The following VAT1L variants were observed in gnomAD, a reference collection of about 807,000 sequenced individuals.
The protein encoded by VAT1L is putative NADPH-dependent quinone oxidoreductase VAT1L.
Under a neutral mutation model 44.1 loss-of-function variants are expected in VAT1L, and 34 were observed. That is an observed-to-expected ratio of 0.77 (90% CI 0.59 to 1.03). The LOEUF (loss-of-function observed/expected upper bound fraction) is 1.03, where lower values mean the gene tolerates loss of function less well. VAT1L is among the 50% of genes least tolerant of loss of function. VAT1L has a pLI of 0.00. For synonymous variants in VAT1L, 253 were observed against 202.2 expected (o/e 1.25, Z -2.13); for missense variants, 615 against 538.8 (o/e 1.14, Z -1.40).
chr16:77,974,464 A>G (rs1386931214), intron 8 of VAT1L, among the ~76,000 whole-genome samples: 3 of 152,140 alleles, frequency 2.0e-5, no homozygotes, highest in Non-Finnish European at 4.4e-5. Flanking sequence ...CCAAGGGAGG[A>G]TTCTTACTGG....
At chr16:77,887,556 G>C (rs1171597840) in intron 7 of VAT1L, among the ~76,000 whole-genome samples, 1 of 152,144 alleles carries the variant, frequency 6.6e-6, no homozygotes, top group Non-Finnish European at 1.5e-5. Flanking sequence ...GAGGCAGCAA[G>C]ACTCATCTCC....
intron 7 of VAT1L, 112 bp from the exon 8 acceptor site, chr16:77,971,738 G>C: frequency 8.8e-7 from 1 of 1,136,678 alleles, no homozygotes; most frequent in Non-Finnish European, 1.3e-6. Flanking sequence ...CACTAAACTT[G>C]AGCCGCAGCG....
chr16:77,962,847 G>C (rs554797730), intron 7 of VAT1L, among the ~76,000 whole-genome samples: 1 of 152,180 alleles, frequency 6.6e-6, no homozygotes. Flanking sequence ...TTGGGAGGCT[G>C]AGACAGGAGG....
At chr16:77,880,180 C>T (rs775719091) in intron 6 of VAT1L, among the ~76,000 whole-genome samples, 9 of 151,982 alleles carry the variant, frequency 5.9e-5, no homozygotes, top group Non-Finnish European at 1.0e-4. Flanking sequence ...TTTTTGAGAC[C>T]GAGTCTAGCT....
chr16:77,858,761 G>C (rs1230630435), intron 3 of VAT1L, among the ~76,000 whole-genome samples: 1 of 152,058 alleles, frequency 6.6e-6, no homozygotes, highest in Non-Finnish European at 1.5e-5. Context: ...CTAGTGGTTT[G>C]GGAAGCCAAG....
chr16:77,804,033 G>C (rs530112340), intron 1 of VAT1L, among the ~76,000 whole-genome samples: 1 of 152,248 alleles, frequency 6.6e-6, no homozygotes, highest in East Asian at 1.9e-4. Flanking sequence ...GTCATGCCGT[G>C]TAGTCATTCT....
intron 3 of VAT1L, among the ~76,000 whole-genome samples, chr16:77,838,928 C>A (rs2016671008): frequency 6.6e-6 from 1 of 151,928 alleles, no homozygotes; most frequent in Admixed American, 6.6e-5. Flanking sequence ...AAGTACAAGC[C>A]CTGGGGGTAA....
chr16:77,912,292 A>G (rs530040695), intron 7 of VAT1L, among the ~76,000 whole-genome samples: 39 of 152,360 alleles, frequency 2.6e-4, no homozygotes, highest in East Asian at 1.3e-3. Flanking sequence ...TGAAGTTAAC[A>G]TAAGTAAAGC....
At chr16:77,880,965 A>G (rs2017147401) in intron 6 of VAT1L, among the ~76,000 whole-genome samples, 1 of 152,170 alleles carries the variant, frequency 6.6e-6, no homozygotes, top group South Asian at 2.1e-4. Flanking sequence ...TCCATGGTGT[A>G]TACGTCTCAC....
At chr16:77,811,562 G>A (rs1348257802) in intron 1 of VAT1L, among the ~76,000 whole-genome samples, 3 of 152,114 alleles carry the variant, frequency 2.0e-5, no homozygotes, top group Admixed American at 6.5e-5. Context: ...GTTCTGGTAC[G>A]AACTATATAA....
intron 7 of VAT1L, among the ~76,000 whole-genome samples, chr16:77,931,198 T>A (rs192164664): frequency 7.9e-5 from 12 of 152,172 alleles, no homozygotes; most frequent in Admixed American, 5.2e-4. Flanking sequence ...CTTTCTTTCA[T>A]TGAACGACGT....
chr16:77,962,782 A>G (rs927422569), intron 7 of VAT1L, among the ~76,000 whole-genome samples: 13 of 152,000 alleles, frequency 8.6e-5, no homozygotes, highest in African/African-American at 3.1e-4. Context: ...GAAGGAAAGA[A>G]AGAGAAAAGA....
At chr16:77,970,469 TTC>T (rs1171315698) in intron 7 of VAT1L, among the ~76,000 whole-genome samples, 1 of 152,232 alleles carries the variant, frequency 6.6e-6, no homozygotes, top group Non-Finnish European at 1.5e-5. Context: ...TGCATGTCAG[TTC>T]TCATTTAGCA....
At chr16:77,819,519 T>C (rs2016413053) in intron 2 of VAT1L, among the ~76,000 whole-genome samples, 1 of 152,038 alleles carries the variant, frequency 6.6e-6, no homozygotes, top group African/African-American at 2.4e-5. Flanking sequence ...GTAGCTGGGA[T>C]TATAGGTGCC....
In VAT1L at chr16:77,971,971, G is replaced by C; in HGVS notation, c.1161+38G>C. ...CAGAGGAGTCTGTTCAGTTCCACGC[G>C]AGAGAGCACCACGGGTCAATCAGAT... On this transcript the variant is annotated intron_variant, in intron 8 of 8. Coordinates refer to ENST00000302536, the MANE Select transcript of VAT1L (RefSeq NM_020927.3). The C allele has an allele frequency of 3.8e-6, 6 of 1,589,548 alleles. 1 individual carries two copies. The highest frequency in any genetic ancestry group is 3.4e-5 in the South Asian group (3 of 87,992).
chr16:77,885,690 G>A (rs1260777646), intron 7 of VAT1L, among the ~76,000 whole-genome samples: 1 of 151,886 alleles, frequency 6.6e-6, no homozygotes, highest in Non-Finnish European at 1.5e-5. Flanking sequence ...TATGGTACAA[G>A]TACTTTGTTG....
At chr16:77,797,146 C>G (rs1471566066) in intron 1 of VAT1L, among the ~76,000 whole-genome samples, 1 of 151,284 alleles carries the variant, frequency 6.6e-6, no homozygotes, top group Non-Finnish European at 1.5e-5. Context: ...GGGTCTCGCT[C>G]TATCACCCAG....
At chr16:77,959,096 C>T (rs932707302) in intron 7 of VAT1L, among the ~76,000 whole-genome samples, 3 of 152,228 alleles carry the variant, frequency 2.0e-5, no homozygotes, top group Non-Finnish European at 2.9e-5. Flanking sequence ...AGAATGGCCA[C>T]CTCCTTAAAT....
intron 7 of VAT1L, among the ~76,000 whole-genome samples, chr16:77,940,507 G>C (rs1038639297): frequency 5.9e-5 from 9 of 151,584 alleles, no homozygotes; most frequent in African/African-American, 2.2e-4. Flanking sequence ...CCATGCCTGG[G>C]TAATTTTTGT....
Sources: gnomAD v4.1 joint callset for allele counts (sites outside exome capture counted in the v4.1 genomes callset) on GRCh38, gnomAD v4.1.1 for gene constraint, MANE v1.5 for transcripts, NCBI Gene and HGNC (gene_info 2026-07-23, HGNC 2026-07-21) for gene names.